GIPC2: variants seen among roughly 807,000 people sequenced by gnomAD.
GIPC2 encodes the protein PDZ domain-containing protein GIPC2.
In GIPC2, 30 loss-of-function variants were observed where a neutral mutation model predicts 30.6. The ratio of observed to expected loss-of-function variants is 0.98; its 90% CI spans 0.73 to 1.33. The LOEUF is 1.33. GIPC2 is among the 40% of genes most tolerant of loss of function. The pLI is 0.00. For missense variants in GIPC2, 414 were observed against 390.3 expected, an observed-to-expected ratio of 1.06 and a Z score of -0.51; for synonymous variants, 167 against 150.0, an observed-to-expected ratio of 1.11 and a Z score of -0.83.
rs1661079990 is a variant in GIPC2, at chr1:78,046,260, C to G, written c.166C>G (p.Arg56Gly). The change falls in exon 1 of 6, where the codon CGA becomes GGA. Residue 56 changes from arginine (R) to glycine (G), a missense_variant. Transcript: ENST00000370759. ...GCTGGCGCACGGTAGTGCCACGGGC[C>G]GAGTGGAGGGCTTCTCCAGCATCCA... ...AQLAHGSATG[R>G]VEGFSSIQEL... The G allele has an allele frequency of 6.2e-7, 1 of 1,611,022 alleles. No homozygotes were observed. Among genetic ancestry groups the G allele is most frequent in the South Asian group, 1.1e-5 (1 of 90,784 alleles).
At chr1:78,102,581 G>A (rs1348920104) in intron 3 of GIPC2, among the ~76,000 whole-genome samples, 2 of 152,180 alleles carry the variant, frequency 1.3e-5, no homozygotes, top group African/African-American at 2.4e-5. Context: ...GTAGTTAAGT[G>A]TGTAGTCTCT....
At chr1:78,122,225 A>G (rs1006958609) in intron 4 of GIPC2, among the ~76,000 whole-genome samples, 1 of 152,212 alleles carries the variant, frequency 6.6e-6, no homozygotes, top group Non-Finnish European at 1.5e-5. Flanking sequence ...GAAAGGAAAA[A>G]GCTGTTTGGT....
Position 78,096,842 on chromosome 1 carries a change from G to A in GIPC2, c.607+1710G>A, listed in dbSNP as rs188786305. On this transcript the variant is annotated intron_variant, in intron 3 of 5. Transcript: ENST00000370759. The stretch of plus-strand genomic sequence containing the variant: ...GTAGGGCTGTTGGTTAGAACATCCA[G>A]AGATTGACTTTGGAGGAATAAGTTT... Among the ~76,000 whole-genome samples, 12 of 152,342 alleles carry A rather than the reference G, an allele frequency of 7.9e-5. 1 individual carries two copies. The highest frequency in any genetic ancestry group is 6.5e-4 in the Admixed American group (10 of 15,300).
chr1:78,135,562 T>C (rs1175958835), intron 5 of GIPC2, 30 bp from the exon 6 acceptor site: 1 of 1,368,776 alleles, frequency 7.3e-7, no homozygotes, highest in South Asian at 1.3e-5. Context: ...ATTTCATTTA[T>C]TGTTAATTTT....
rs1256365453 is a variant in GIPC2, at chr1:78,055,395, T to TA, written c.240+9061_240+9062insA. On this transcript the variant is annotated intron_variant, in intron 1 of 5. Transcript: ENST00000370759. ...AAAATGTATAGGGAGGTAAGGAAGC[T>TA]TAGGACAGCTTCTGCAGCTGCACAG... 3.3e-5 allele frequency among the ~76,000 whole-genome samples: 5 copies of TA among 152,278 alleles called. No individual in the cohort carries two copies. The South Asian group carries it at 6.2e-4, about 19-fold the overall frequency.
At chr1:78,078,984 T>G (rs1661773545) in intron 1 of GIPC2, among the ~76,000 whole-genome samples, 1 of 152,184 alleles carries the variant, frequency 6.6e-6, no homozygotes, top group Admixed American at 6.5e-5. Flanking sequence ...GTGATTTTTG[T>G]CAGCAAACTA....
upstream of GIPC2, chr1:78,045,748 G>T (rs776019275): frequency 1.3e-5 from 13 of 985,496 alleles, no homozygotes; most frequent in Admixed American, 6.1e-5. Context: ...AGAAGGGCCA[G>T]CGTGTTTGCC....
At chr1:78,082,529 G>A (rs1273754193) in intron 2 of GIPC2, among the ~76,000 whole-genome samples, 1 of 152,146 alleles carries the variant, frequency 6.6e-6, no homozygotes, top group Non-Finnish European at 1.5e-5. Flanking sequence ...GGGAAGCTCA[G>A]GACATGAGGC....
chr1:78,087,507 T>C (rs1165375979), intron 2 of GIPC2, among the ~76,000 whole-genome samples: 1 of 152,194 alleles, frequency 6.6e-6, no homozygotes, highest in Non-Finnish European at 1.5e-5. Context: ...AGACTCCCTA[T>C]TTAATAAATG....
intron 1 of GIPC2, among the ~76,000 whole-genome samples, chr1:78,049,274 G>T (rs1453260529): frequency 2.0e-5 from 3 of 152,190 alleles, no homozygotes; most frequent in African/African-American, 7.2e-5. Flanking sequence ...TGATTGTCCT[G>T]CCTCAGCTTG....
At chr1:78,115,072 A>AG (rs1662543133) in intron 3 of GIPC2, among the ~76,000 whole-genome samples, 1 of 152,224 alleles carries the variant, frequency 6.6e-6, no homozygotes. Flanking sequence ...TCATGTAGAG[A>AG]GGCCAGCTGA....
chr1:78,060,791 C>T (rs1661376956), intron 1 of GIPC2, among the ~76,000 whole-genome samples: 1 of 151,488 alleles, frequency 6.6e-6, no homozygotes, highest in African/African-American at 2.4e-5. Flanking sequence ...ACTGTCCTTC[C>T]AGAAAAATAC....
In GIPC2 at chr1:78,104,493, A is replaced by G. The variant is rs566249771; in HGVS notation, c.607+9361A>G. 7.9e-5 allele frequency among the ~76,000 whole-genome samples: 12 copies of G among 152,312 alleles called. No homozygotes were observed. The South Asian group carries it at 2.3e-3, about 29-fold the overall frequency. ...TTAAGCCCAGGAGACCAATGTGGCT[A>G]TATATGACTAGAGGATAAACCATGT... On this transcript the variant is annotated intron_variant, in intron 3 of 5. Coordinates refer to ENST00000370759, the MANE Select transcript of GIPC2 (RefSeq NM_017655.6).
upstream of GIPC2, chr1:78,045,781 G>T: frequency 3.5e-6 from 4 of 1,130,956 alleles, no homozygotes; most frequent in South Asian, 1.5e-4. Flanking sequence ...TTGTTCTGTA[G>T]CGTCGGCATC....
intron 3 of GIPC2, among the ~76,000 whole-genome samples, chr1:78,105,587 GA>G (rs1662335145): frequency 1.3e-5 from 2 of 151,918 alleles, no homozygotes; most frequent in African/African-American, 4.8e-5. Context: ...TGCCCGACCA[GA>G]ACCGTAATGT....
At chr1:78,053,765 A>AAT (rs1661238827) in intron 1 of GIPC2, among the ~76,000 whole-genome samples, 1 of 131,918 alleles carries the variant, frequency 7.6e-6, no homozygotes, top group Non-Finnish European at 1.7e-5. Context: ...AAAAAAAAAA[A>AAT]GCCAAAAAAA....
At position 78,135,618 on chromosome 1, in the gene GIPC2, G is replaced by C; in HGVS notation, c.823G>C (p.Asp275His). 2 of 1,596,534 alleles carry C rather than the reference G, an allele frequency of 1.3e-6. No individual in the cohort carries two copies. Among genetic ancestry groups the C allele is most frequent in the African/African-American group, 1.3e-5 (1 of 74,738 alleles). ...LATTMFEAGK[D>H]KVNPDEFAVA... ...CACCACAATGTTTGAAGCTGGAAAGGACAAAGTAAATCCAGATGAATTTGC... is the reference window on the plus strand; with the variant it reads ...CACCACAATGTTTGAAGCTGGAAAGCACAAAGTAAATCCAGATGAATTTGC... Residue 275 changes from aspartate to histidine, a missense_variant, in exon 6 of 6, where the codon GAC (aspartate) becomes CAC (histidine). Transcript: ENST00000370759.
At chr1:78,061,216 T>C (rs553780246) in intron 1 of GIPC2, among the ~76,000 whole-genome samples, 13 of 152,338 alleles carry the variant, frequency 8.5e-5, no homozygotes, top group African/African-American at 2.6e-4. Context: ...ACCAAACGTG[T>C]TCCTTGACAC....
chr1:78,110,909 G>A (rs1662454513), intron 3 of GIPC2, among the ~76,000 whole-genome samples: 1 of 152,146 alleles, frequency 6.6e-6, no homozygotes, highest in African/African-American at 2.4e-5. Context: ...TGTTCTTTGT[G>A]AATTTGGCTA....
Sources: allele counts gnomAD v4.1 joint callset (sites outside exome capture counted in the v4.1 genomes callset), GRCh38; gene constraint gnomAD v4.1.1; transcripts MANE v1.5; gene names NCBI Gene and HGNC (gene_info 2026-07-23, HGNC 2026-07-21).